ARMH3: variants seen among roughly 807,000 people sequenced by gnomAD.
ARMH3 encodes the protein armadillo like helical domain containing 3, also known as armadillo-like helical domain-containing protein 3.
Under a neutral mutation model 99.1 loss-of-function variants are expected in ARMH3, and 60 were observed. The ratio of observed to expected loss-of-function variants is 0.61; its 90% CI spans 0.49 to 0.75. The LOEUF is 0.75. ARMH3 is among the 30% of genes least tolerant of loss of function. The pLI, the probability that ARMH3 is intolerant of heterozygous loss-of-function variation, is 0.00. For synonymous variants in ARMH3, 285 were observed against 292.8 expected (o/e 0.97, Z 0.27); for missense variants, 679 against 843.1 (o/e 0.81, Z 2.41).
intron 8 of ARMH3, among the ~76,000 whole-genome samples, chr10:102,014,684 A>G (rs1042792084): frequency 2.0e-5 from 3 of 152,188 alleles, no homozygotes; most frequent in African/African-American, 7.2e-5. Context: ...GGACACTGGA[A>G]TTTAATGATT....
chr10:101,964,965 T>C (rs775613473), intron 20 of ARMH3, among the ~76,000 whole-genome samples: 31 of 151,802 alleles, frequency 2.0e-4, no homozygotes, highest in Admixed American at 5.9e-4. Context: ...TGAACCAAGA[T>C]TGCACCACTG....
At chr10:101,883,979 G>A (rs2067478082) in intron 24 of ARMH3, among the ~76,000 whole-genome samples, 1 of 150,366 alleles carries the variant, frequency 6.7e-6, no homozygotes, top group South Asian at 2.1e-4. Flanking sequence ...GGCAACAGAG[G>A]GAGATCTCAC....
chr10:101,908,817 C>T (rs368576602), intron 23 of ARMH3, among the ~76,000 whole-genome samples: 4 of 151,748 alleles, frequency 2.6e-5, no homozygotes, highest in Admixed American at 6.6e-5. Context: ...GCATGCACCA[C>T]GTCACCCGGC....
intron 19 of ARMH3, among the ~76,000 whole-genome samples, chr10:101,985,782 C>T (rs1482396738): frequency 6.6e-6 from 1 of 151,980 alleles, no homozygotes; most frequent in Non-Finnish European, 1.5e-5. Flanking sequence ...TTTGGGAGGC[C>T]GAGGTGGATG....
At chr10:101,855,481 G>A (rs1169295107) in intron 24 of ARMH3, among the ~76,000 whole-genome samples, 2 of 151,268 alleles carry the variant, frequency 1.3e-5, no homozygotes, top group Non-Finnish European at 2.9e-5. Context: ...AGGCCGAGGT[G>A]GGAGGATCGT....
chr10:101,935,285 C>A (rs2135692980), intron 23 of ARMH3, among the ~76,000 whole-genome samples: 1 of 151,222 alleles, frequency 6.6e-6, no homozygotes, highest in Admixed American at 6.6e-5. Flanking sequence ...ATAAAGACAG[C>A]AGTTTCTAAG....
rs774828178 is a variant in ARMH3 at position 102,023,516 on chromosome 10, G to A, written c.630C>T (p.Val210=). The change falls in exon 8 of 26, where the codon GTC becomes GTT. Residue 210 remains valine (V), a synonymous_variant. Coordinates refer to ENST00000370033, the MANE Select transcript of ARMH3 (RefSeq NM_024541.3). ...AGTTCACCAGCAAAGCCAAGAGGAC[G>A]ACAGCATCATACCCATGCTCCCTAC... ...PSRREHGYDA[V]VLLALLVNYR... 12 of 1,614,066 alleles carry A rather than the reference G, an allele frequency of 7.4e-6. No homozygotes were observed. Among genetic ancestry groups the A allele is most frequent in the Admixed American group, 3.3e-5 (2 of 59,984 alleles).
chr10:101,986,601 T>C lies in ARMH3; in HGVS notation c.1406+3950A>G, dbSNP rs566016232. Among the ~76,000 whole-genome samples, 4 of 152,316 alleles carry C rather than the reference T, an allele frequency of 2.6e-5. No individual in the cohort carries two copies. In the South Asian group the frequency reaches 8.3e-4, roughly 32 times the overall value. On this transcript the variant is annotated intron_variant, in intron 19 of 25. Transcript: ENST00000370033. ...ATTTCTTCATATTTCACTAGGAAGA[T>C]TATAAACTTATCTGAAATGGCAGAA...
chr10:101,854,845 G>A (rs911045808), intron 24 of ARMH3, among the ~76,000 whole-genome samples: 8 of 151,810 alleles, frequency 5.3e-5, no homozygotes, highest in African/African-American at 1.9e-4. Context: ...GCTGATGTGA[G>A]GATAACATGA....
chr10:101,915,549 G>T (rs940955664), intron 23 of ARMH3, among the ~76,000 whole-genome samples: 4 of 152,208 alleles, frequency 2.6e-5, no homozygotes, highest in African/African-American at 9.7e-5. Context: ...ACCATGAGAA[G>T]CAAACACTGT....
chr10:102,047,760 T>C (rs911958882), intron 1 of ARMH3, among the ~76,000 whole-genome samples: 2 of 152,180 alleles, frequency 1.3e-5, no homozygotes, highest in Non-Finnish European at 2.9e-5. Flanking sequence ...AGTGCTGGGA[T>C]TACAGGCATA....
At chr10:101,951,885 G>T (rs1334417361) in intron 22 of ARMH3, among the ~76,000 whole-genome samples, 2 of 136,090 alleles carry the variant, frequency 1.5e-5, no homozygotes, top group Admixed American at 7.4e-5. Flanking sequence ...AAAAAAAGAA[G>T]AAGAAGAAAG....
At chr10:101,928,742 T>C (rs1843604413) in intron 23 of ARMH3, among the ~76,000 whole-genome samples, 1 of 152,188 alleles carries the variant, frequency 6.6e-6, no homozygotes, top group Non-Finnish European at 1.5e-5. Flanking sequence ...GTTTTTGTTT[T>C]TGTTTGAGGC....
chr10:101,977,521 T>G (rs1002054610), intron 19 of ARMH3, among the ~76,000 whole-genome samples: 5 of 152,210 alleles, frequency 3.3e-5, no homozygotes, highest in Non-Finnish European at 7.3e-5. Context: ...GTTTAATATA[T>G]AGAAGTTTAT....
chr10:101,993,918 C>T (rs1846934150), intron 16 of ARMH3, among the ~76,000 whole-genome samples: 1 of 152,220 alleles, frequency 6.6e-6, no homozygotes, highest in Non-Finnish European at 1.5e-5. Context: ...TCCGTCCCAT[C>T]TGCCCAAGGA....
rs182578250 is a variant in ARMH3, at chr10:102,004,172, T to C, written c.1049-2100A>G. ...AAGTCTGAGCTGAGAACAAATGTTA[T>C]AGCTAAACTGCCGGCTTTTAAAAAT... is the stretch of plus-strand genomic sequence containing the variant. On this transcript the variant is annotated intron_variant, in intron 14 of 25. Coordinates refer to ENST00000370033, the MANE Select transcript of ARMH3 (RefSeq NM_024541.3). Among the ~76,000 whole-genome samples the C allele has an allele frequency of 1.8e-4, 28 of 152,358 alleles. No homozygotes were observed. The East Asian group carries it at 4.6e-3, about 25-fold the overall frequency.
intron 24 of ARMH3, among the ~76,000 whole-genome samples, chr10:101,866,670 A>C (rs1234356198): frequency 1.3e-5 from 2 of 152,226 alleles, no homozygotes; most frequent in Non-Finnish European, 2.9e-5. Flanking sequence ...ATGTGATTAG[A>C]GAAAAAGTGA....
chr10:102,008,162 A>G (rs1302973070), intron 13 of ARMH3, among the ~76,000 whole-genome samples: 1 of 152,226 alleles, frequency 6.6e-6, no homozygotes, highest in Non-Finnish European at 1.5e-5. Flanking sequence ...AATAATAACT[A>G]AAGTCTCTAT....
In ARMH3 at chr10:101,993,550, G is replaced by C. The variant is rs371349039; in HGVS notation, c.1263C>G (p.Asn421Lys). 17 of 1,599,176 alleles carry C rather than the reference G, an allele frequency of 1.1e-5. No homozygotes were observed. The highest frequency in any genetic ancestry group is 1.4e-5 in the Non-Finnish European group (17 of 1,173,970). ...LHDDNMNFRV[N>K]LHRMPMRHRK... ...AAGAAACACCTACCATTCTATGTAA[G>C]TTTACTCGAAAATTCATGTTGTCAT... The change falls in exon 17 of 26, where the codon AAC becomes AAG. Residue 421 changes from asparagine to lysine, a missense_variant. Coordinates refer to ENST00000370033, the MANE Select transcript of ARMH3 (RefSeq NM_024541.3).
Sources: allele counts gnomAD v4.1 joint callset (sites outside exome capture counted in the v4.1 genomes callset), GRCh38; gene constraint gnomAD v4.1.1; transcripts MANE v1.5; gene names NCBI Gene and HGNC (gene_info 2026-07-23, HGNC 2026-07-21).